ZZEF1: variants seen among roughly 807,000 people sequenced by gnomAD.
ZZEF1 encodes the protein zinc finger ZZ-type and EF-hand domain-containing protein 1.
A neutral mutation model predicts 342.8 loss-of-function variants in ZZEF1; 157 were observed. The observed-to-expected ratio is 0.46, with a 90% CI of 0.40 to 0.52. The LOEUF (loss-of-function observed/expected upper bound fraction) is 0.52. ZZEF1 is among the 20% of genes least tolerant of loss of function. The probability of loss-of-function intolerance (pLI) is 0.00; values close to 1 mark genes in which losing one functional copy is unlikely to be tolerated. For synonymous variants in ZZEF1, 1,505 were observed against 1,429.1 expected, an observed-to-expected ratio of 1.05 and a Z score of -1.20; for missense variants, 3,480 against 3,725.6, an observed-to-expected ratio of 0.93 and a Z score of 1.72.
intron 13 of ZZEF1, 105 bp from the exon 14 acceptor site, chr17:4,087,639 C>T (rs1024496135): frequency 2.1e-6 from 2 of 961,178 alleles, no homozygotes; most frequent in Admixed American, 3.0e-5. Context: ...GGTGGCTCTA[C>T]ATGAGTGAGA....
chr17:4,092,597 C>G (rs1236529989), intron 11 of ZZEF1, among the ~76,000 whole-genome samples: 1 of 152,172 alleles, frequency 6.6e-6, no homozygotes, highest in Non-Finnish European at 1.5e-5. Context: ...GTGTGAGCCA[C>G]TGTGCCCGGC....
chr17:4,124,302 C>A (rs997650021), intron 1 of ZZEF1, among the ~76,000 whole-genome samples: 1 of 152,070 alleles, frequency 6.6e-6, no homozygotes, highest in Non-Finnish European at 1.5e-5. Context: ...TTAAGTAATC[C>A]AAGAGAGTAA....
chr17:4,102,510 C>T, intron 8 of ZZEF1, 95 bp from the exon 9 acceptor site: 1 of 1,032,890 alleles, frequency 9.7e-7, no homozygotes, highest in Non-Finnish European at 1.5e-6. Flanking sequence ...TGTGGCTACC[C>T]AGACTGCTAA....
At chr17:4,102,515 T>A (rs1170403630) in intron 8 of ZZEF1, 100 bp from the exon 9 acceptor site, 2 of 984,426 alleles carry the variant, frequency 2.0e-6, no homozygotes, top group Non-Finnish European at 3.1e-6. Flanking sequence ...CTACCCAGAC[T>A]GCTAACTAAA....
At chr17:4,119,746 C>T (rs1202724360) in intron 2 of ZZEF1, among the ~76,000 whole-genome samples, 2 of 152,204 alleles carry the variant, frequency 1.3e-5, no homozygotes, top group African/African-American at 4.8e-5. Flanking sequence ...GACAGAATCC[C>T]TGAGCTCATC....
chr17:4,022,623 G>A (rs1287160128), intron 44 of ZZEF1, 86 bp downstream of exon 44: 21 of 1,591,968 alleles, frequency 1.3e-5, no homozygotes, highest in Admixed American at 1.0e-4. Context: ...CAGGGCAGAA[G>A]CAGCTGGAAC....
intron 42 of ZZEF1, among the ~76,000 whole-genome samples, chr17:4,026,583 G>A (rs891144666): frequency 2.7e-5 from 4 of 149,456 alleles, no homozygotes; most frequent in Admixed American, 6.7e-5. Flanking sequence ...GTACAATGAC[G>A]TGATCTTGGC....
At chr17:4,007,028 T>TG in intron 54 of ZZEF1, 58 bp from the exon 55 acceptor site, 2 of 1,463,292 alleles carry the variant, frequency 1.4e-6, no homozygotes, top group South Asian at 1.3e-5. Context: ...ATTCAGTGAG[T>TG]GCTGATAAGA....
chr17:4,062,116 C>G lies in ZZEF1; in HGVS notation c.4883+637G>C, dbSNP rs970296389. 9.9e-5 allele frequency among the ~76,000 whole-genome samples: 15 copies of G among 152,210 alleles called. No homozygotes were observed. In the East Asian group the frequency reaches 2.1e-3, roughly 22 times the overall value. On this transcript the variant is annotated intron_variant, in intron 30 of 54. Transcript: ENST00000381638. ...TCTGTTCCTTGGACTAACTCCCCCCCTGGAGCCTCTGCACTGTTCCTTCTG... is the reference window on the plus strand; with the variant it reads ...TCTGTTCCTTGGACTAACTCCCCCCGTGGAGCCTCTGCACTGTTCCTTCTG...
chr17:4,140,969 C>A (rs2058835568), intron 1 of ZZEF1, among the ~76,000 whole-genome samples: 1 of 149,478 alleles, frequency 6.7e-6, no homozygotes, highest in African/African-American at 2.5e-5. Context: ...AATGCAGTGG[C>A]GTGATCTCAG....
chr17:4,098,000 G>A (rs189298865), intron 9 of ZZEF1, among the ~76,000 whole-genome samples: 17 of 151,452 alleles, frequency 1.1e-4, no homozygotes, highest in African/African-American at 4.1e-4. Context: ...CACTTTGGGA[G>A]GCTGAGGCAG....
At chr17:4,067,267 A>T (rs190291574) in intron 26 of ZZEF1, 25 bp from the exon 27 acceptor site, 687 of 1,595,584 alleles carry the variant, frequency 4.3e-4, no homozygotes, top group Middle Eastern at 2.3e-3. Context: ...AGAGATGGAG[A>T]TTACATTCAG....
chr17:4,042,658 A>G (rs2056827286), intron 38 of ZZEF1, 90 bp from the exon 39 acceptor site: 2 of 1,302,044 alleles, frequency 1.5e-6, no homozygotes, highest in Non-Finnish European at 2.1e-6. Context: ...CTGTGCTGCT[A>G]CGGAATAAAG....
intron 13 of ZZEF1, among the ~76,000 whole-genome samples, chr17:4,087,859 C>T (rs2057867458): frequency 1.3e-5 from 2 of 151,124 alleles, no homozygotes; most frequent in South Asian, 2.1e-4. Flanking sequence ...TAACCCAGCA[C>T]ATAAGCCAGT....
intron 11 of ZZEF1, among the ~76,000 whole-genome samples, chr17:4,095,600 C>T (rs148762664): frequency 4.7e-4 from 72 of 152,134 alleles, no homozygotes; most frequent in African/African-American, 1.6e-3. Context: ...AGATGTGTGC[C>T]CCTGGCCACA....
rs183831762 is a variant in ZZEF1 at position 4,086,213 on chromosome 17, A to T, written c.2512+273T>A. On this transcript the variant is annotated intron_variant, in intron 15 of 54. Transcript: ENST00000381638. ...AACCAGGAGGAAGAGAAGTCAGCTG[A>T]GGAAGGAATAAATCCTGAACTCAAA... is the stretch of plus-strand genomic sequence containing the variant. 2.2e-4 allele frequency among the ~76,000 whole-genome samples: 34 copies of T among 152,340 alleles called. 1 individual carries two copies. The East Asian group carries it at 4.2e-3, about 19-fold the overall frequency.
intron 53 of ZZEF1, 70 bp from the exon 54 acceptor site, chr17:4,009,024 G>T: frequency 6.6e-7 from 1 of 1,508,044 alleles, no homozygotes; most frequent in Non-Finnish European, 8.9e-7. Context: ...AGACCACCTG[G>T]GACACCTGCT....
At chr17:4,009,510 A>G in intron 53 of ZZEF1, 94 bp downstream of exon 53, 1 of 1,567,534 alleles carries the variant, frequency 6.4e-7, no homozygotes, top group Non-Finnish European at 8.7e-7. Flanking sequence ...CTGGCCACTC[A>G]GGCTCGGATG....
Position 4,140,566 on chromosome 17 carries a change from T to C in ZZEF1, c.354+1976A>G, listed in dbSNP as rs187009202. On this transcript the variant is annotated intron_variant, in intron 1 of 54. Transcript: ENST00000381638. The stretch of plus-strand genomic sequence containing the variant: ...CTTTGTCCACTGTCATCCAAGTGAG[T>C]GGCACTCGATATACGCCCAATAAAC... Among the ~76,000 whole-genome samples, 15 of 152,312 alleles carry C rather than the reference T, an allele frequency of 9.8e-5. 1 individual carries two copies. Among genetic ancestry groups the C allele is most frequent in the Admixed American group, 8.5e-4 (13 of 15,288 alleles).
Sources: allele counts gnomAD v4.1 joint callset (sites outside exome capture counted in the v4.1 genomes callset), GRCh38; gene constraint gnomAD v4.1.1; transcripts MANE v1.5; gene names NCBI Gene and HGNC (gene_info 2026-07-23, HGNC 2026-07-21).